ERG: variants seen among roughly 807,000 people sequenced by gnomAD.
The protein encoded by ERG is ETS transcription factor ERG.
In ERG, 9 loss-of-function variants were observed where a neutral mutation model predicts 55.3. The observed-to-expected ratio is 0.16, with a 90% CI of 0.10 to 0.28. The LOEUF is 0.28. Among genes scored for constraint, ERG ranks in the 10% least tolerant of loss-of-function variants. The pLI is 1.00. For synonymous variants in ERG, 223 were observed against 237.3 expected (o/e 0.94, Z 0.55); for missense variants, 434 against 631.6 (o/e 0.69, Z 3.35).
chr21:38,384,053 A>G (rs536171454), intron 9 of ERG, 130 bp from the exon 10 acceptor site: 107 of 1,259,668 alleles, frequency 8.5e-5, no homozygotes, highest in Middle Eastern at 5.6e-4. Context: ...CTGTCCGTCC[A>G]TCCCTCAGCT....
chr21:38,660,993 A>G (rs2060551706), intron 1 of ERG, among the ~76,000 whole-genome samples: 2 of 151,604 alleles, frequency 1.3e-5, no homozygotes, highest in South Asian at 4.2e-4. Flanking sequence ...CGGCTCCGGG[A>G]GGAAGAGGAG....
At chr21:38,551,703 C>CG (rs1262729061) in intron 2 of ERG, among the ~76,000 whole-genome samples, 10 of 152,072 alleles carry the variant, frequency 6.6e-5, no homozygotes, top group African/African-American at 2.4e-4. Context: ...TCTGAAAGTA[C>CG]GGCTAGTATG....
At chr21:38,595,602 C>T (rs1010200492) in intron 1 of ERG, among the ~76,000 whole-genome samples, 2 of 152,184 alleles carry the variant, frequency 1.3e-5, no homozygotes, top group African/African-American at 2.4e-5. Context: ...AGAGCAGAAG[C>T]AGGGCGGGAG....
intron 1 of ERG, among the ~76,000 whole-genome samples, chr21:38,466,951 C>G (rs1309503998): frequency 1.3e-5 from 2 of 152,128 alleles, no homozygotes; most frequent in African/African-American, 4.8e-5. Context: ...CCCTAGAAAC[C>G]CTTACATCCT....
chr21:38,649,750 C>A (rs961999200), intron 1 of ERG, among the ~76,000 whole-genome samples: 1 of 152,184 alleles, frequency 6.6e-6, no homozygotes, highest in Admixed American at 6.5e-5. Flanking sequence ...GGCCCACGTT[C>A]CTTATAGGAC....
At chr21:38,607,500 C>T (rs557525551) in intron 1 of ERG, among the ~76,000 whole-genome samples, 20 of 152,074 alleles carry the variant, frequency 1.3e-4, no homozygotes, top group Admixed American at 2.6e-4. Flanking sequence ...GGCATGGTGG[C>T]GGGCACCTGT....
At chr21:38,428,929 T>C (rs999934799) in intron 2 of ERG, among the ~76,000 whole-genome samples, 1 of 152,140 alleles carries the variant, frequency 6.6e-6, no homozygotes, top group African/African-American at 2.4e-5. Context: ...ACAGGTGGTG[T>C]CTGGTTACAC....
chr21:38,429,941 T>C (rs929645078), intron 2 of ERG, among the ~76,000 whole-genome samples: 1 of 152,242 alleles, frequency 6.6e-6, no homozygotes, highest in African/African-American at 2.4e-5. Flanking sequence ...TAATTTTCCA[T>C]ACTGTTTTCC....
In ERG at chr21:38,381,985, C is replaced by G; in HGVS notation, c.*1418G>C. 2.8e-6 allele frequency: 3 copies of G among 1,061,508 alleles called. No individual in the cohort carries two copies. The highest frequency in any genetic ancestry group is 3.4e-6 in the Non-Finnish European group (3 of 876,702). The allele number at this position is 1,061,508 out of a possible 1,614,324, so 65.8% of individuals were successfully genotyped here. A position where few individuals can be genotyped will look rare whatever the true frequency, so the allele number is the denominator to read the frequency against. On this transcript the variant is annotated 3_prime_UTR_variant, in exon 10 of 10. Transcript: ENST00000288319. ...TTCAGCACATGTTTTCATTAAGCAA[C>G]TTTAGTCACTAAAAAAAGTGCAAAT... is the stretch of plus-strand genomic sequence containing the variant.
At chr21:38,640,571 T>C (rs1326543247) in intron 1 of ERG, among the ~76,000 whole-genome samples, 5 of 152,178 alleles carry the variant, frequency 3.3e-5, no homozygotes, top group Non-Finnish European at 7.3e-5. Context: ...CTGATGGTTT[T>C]ATGAGGGGAA....
At chr21:38,394,440 C>T (rs929773546) in intron 6 of ERG, among the ~76,000 whole-genome samples, 3 of 151,942 alleles carry the variant, frequency 2.0e-5, no homozygotes, top group Non-Finnish European at 4.4e-5. Context: ...GCAAGCTCCA[C>T]CTCCCAGGTT....
At chr21:38,626,380 G>T in intron 1 of ERG, among the ~76,000 whole-genome samples, 1 of 152,196 alleles carries the variant, frequency 6.6e-6, no homozygotes, top group East Asian at 1.9e-4. Flanking sequence ...GATGAGAGAA[G>T]TACGGAAAGT....
chr21:38,499,331 A>G (rs1000236959), upstream of ERG, among the ~76,000 whole-genome samples: 1 of 152,184 alleles, frequency 6.6e-6, no homozygotes, highest in Non-Finnish European at 1.5e-5. Flanking sequence ...AATCCAAGCT[A>G]TAAGTTCAGG....
At chr21:38,545,811 T>C (rs28536009) in intron 2 of ERG, among the ~76,000 whole-genome samples, 76,803 of 152,048 alleles carry the variant, frequency 0.51, 20,704 homozygotes, top group Non-Finnish European at 0.62. Context: ...ACTGTCCCCT[T>C]GCCCAGTGGT....
intron 2 of ERG, among the ~76,000 whole-genome samples, chr21:38,530,976 G>A (rs568311421): frequency 4.7e-4 from 72 of 152,144 alleles, no homozygotes; most frequent in African/African-American, 2.2e-4. Context: ...CTTCATACTC[G>A]GAGAAGATGA....
intron 2 of ERG, among the ~76,000 whole-genome samples, chr21:38,543,683 T>C (rs2059769730): frequency 6.6e-6 from 1 of 151,294 alleles, no homozygotes; most frequent in Non-Finnish European, 1.5e-5. Flanking sequence ...GTTAATAGCC[T>C]GTGAGAAGGG....
intron 9 of ERG, among the ~76,000 whole-genome samples, chr21:38,385,730 T>C (rs184036031): frequency 1.3e-5 from 2 of 152,364 alleles, no homozygotes; most frequent in East Asian, 3.9e-4. Context: ...TCAAGTTTTG[T>C]TGCCTCCAAC....
chr21:38,518,609 T>C (rs1211713354), intron 2 of ERG, among the ~76,000 whole-genome samples: 2 of 151,898 alleles, frequency 1.3e-5, no homozygotes, highest in African/African-American at 4.8e-5. Context: ...GAGAAGTAAC[T>C]CATAACATCA....
intron 1 of ERG, among the ~76,000 whole-genome samples, chr21:38,648,023 A>G (rs2060467098): frequency 6.6e-6 from 1 of 152,270 alleles, no homozygotes; most frequent in African/African-American, 2.4e-5. Context: ...TAAGTGTCCA[A>G]TGCAGCAATC....
Sources: gnomAD v4.1 joint callset for allele counts (sites outside exome capture counted in the v4.1 genomes callset) on GRCh38, gnomAD v4.1.1 for gene constraint, MANE v1.5 for transcripts, NCBI Gene and HGNC (gene_info 2026-07-23, HGNC 2026-07-21) for gene names.